GRIN2B: variants seen among roughly 807,000 people sequenced by gnomAD.
GRIN2B encodes glutamate ionotropic receptor NMDA type subunit 2B, also known as glutamate receptor ionotropic, NMDA 2B.
In GRIN2B, 5 loss-of-function variants were observed where a neutral mutation model predicts 114.5. The observed-to-expected ratio is 0.04, with a 90% CI of 0.02 to 0.09. The LOEUF is 0.09. Ranked by LOEUF, GRIN2B falls within the 10% of genes least tolerant of loss-of-function variation. GRIN2B has a pLI of 1.00. For synonymous variants in GRIN2B, 787 were observed against 745.1 expected (o/e 1.06, Z -0.92); for missense variants, 1,108 against 1,943.5 (o/e 0.57, Z 8.08).
chr12:13,769,710 G>C (rs1044460403), intron 3 of GRIN2B, among the ~76,000 whole-genome samples: 1 of 152,212 alleles, frequency 6.6e-6, no homozygotes, highest in Admixed American at 6.5e-5. Context: ...GCCTTCACAG[G>C]CATAGCAAGG....
chr12:13,814,952 T>C lies in GRIN2B; in HGVS notation c.411+50846A>G, dbSNP rs183740954. 1.1e-3 allele frequency among the ~76,000 whole-genome samples: 164 copies of C among 152,190 alleles called. 1 individual carries two copies. Among genetic ancestry groups the C allele is most frequent in the African/African-American group, 3.8e-3 (157 of 41,508 alleles). Reference sequence around the variant, plus strand: ...ACTCTTCCCTTAAGTTTCATCTCTTTGATTTTTTAAACCTGTATTTAAACG... The same window carrying C: ...ACTCTTCCCTTAAGTTTCATCTCTTCGATTTTTTAAACCTGTATTTAAACG... On this transcript the variant is annotated intron_variant, in intron 3 of 13. Coordinates refer to ENST00000609686, the MANE Select transcript of GRIN2B (RefSeq NM_000834.5).
intron 2 of GRIN2B, among the ~76,000 whole-genome samples, chr12:13,904,127 G>A (rs757147772): frequency 6.6e-6 from 1 of 151,842 alleles, no homozygotes; most frequent in Non-Finnish European, 1.5e-5. Flanking sequence ...TGTAATTTCA[G>A]CATTTTTAGT....
intron 4 of GRIN2B, among the ~76,000 whole-genome samples, chr12:13,739,159 TC>T (rs1863233821): frequency 1.3e-5 from 2 of 152,048 alleles, no homozygotes; most frequent in East Asian, 3.9e-4. Context: ...GACAGGCAGA[TC>T]ACCTGAGGTC....
chr12:13,965,642 A>C (rs1041583127), intron 2 of GRIN2B, among the ~76,000 whole-genome samples: 1 of 152,056 alleles, frequency 6.6e-6, no homozygotes, highest in Non-Finnish European at 1.5e-5. Context: ...TTAAAGATAT[A>C]CTTCTTGTTC....
chr12:13,868,760 G>T (rs565781201), intron 2 of GRIN2B, among the ~76,000 whole-genome samples: 1 of 152,270 alleles, frequency 6.6e-6, no homozygotes, highest in South Asian at 2.1e-4. Context: ...GTGGCTAGTT[G>T]TGACACCCAA....
chr12:13,606,595 T>C (rs774266449), intron 10 of GRIN2B, among the ~76,000 whole-genome samples: 7 of 152,106 alleles, frequency 4.6e-5, no homozygotes, highest in Non-Finnish European at 8.8e-5. Flanking sequence ...ATCCAAACAA[T>C]AGGAGGTGGG....
intron 2 of GRIN2B, among the ~76,000 whole-genome samples, chr12:13,890,563 C>T (rs982282162): frequency 1.4e-4 from 21 of 152,066 alleles, no homozygotes; most frequent in Admixed American, 6.6e-5. Context: ...AACCAGGGGA[C>T]TTGGTATAGA....
intron 5 of GRIN2B, among the ~76,000 whole-genome samples, chr12:13,643,057 G>C (rs1208245577): frequency 2.6e-5 from 4 of 152,088 alleles, no homozygotes; most frequent in African/African-American, 9.7e-5. Flanking sequence ...AATGATGAAT[G>C]ACCATCAACT....
intron 10 of GRIN2B, among the ~76,000 whole-genome samples, chr12:13,588,864 G>A (rs1217081782): frequency 1.3e-5 from 2 of 152,154 alleles, no homozygotes; most frequent in Non-Finnish European, 2.9e-5. Flanking sequence ...AAAGTGAGGG[G>A]AGCAAGTCTT....
intron 4 of GRIN2B, among the ~76,000 whole-genome samples, chr12:13,713,582 T>C (rs1401782048): frequency 6.6e-6 from 1 of 151,960 alleles, no homozygotes; most frequent in Non-Finnish European, 1.5e-5. Context: ...AAGACGTTCT[T>C]AATAGAACAA....
intron 3 of GRIN2B, among the ~76,000 whole-genome samples, chr12:13,776,039 A>G (rs991624179): frequency 6.6e-6 from 1 of 152,206 alleles, no homozygotes; most frequent in South Asian, 2.1e-4. Context: ...ATGCTCATCA[A>G]TGATAGACTG....
chr12:13,949,205 G>A (rs1165429504), intron 2 of GRIN2B, among the ~76,000 whole-genome samples: 1 of 152,146 alleles, frequency 6.6e-6, no homozygotes, highest in Non-Finnish European at 1.5e-5. Flanking sequence ...AGGGGAGAAG[G>A]GAGATGCTGG....
intron 2 of GRIN2B, among the ~76,000 whole-genome samples, chr12:13,943,151 T>C (rs147699917): frequency 6.6e-6 from 1 of 152,276 alleles, no homozygotes; most frequent in East Asian, 1.9e-4. Context: ...TGTGCCTGCC[T>C]GTGCAACAGC....
chr12:13,720,352 T>C (rs182250661), intron 4 of GRIN2B, among the ~76,000 whole-genome samples: 83 of 152,136 alleles, frequency 5.5e-4, no homozygotes, highest in Non-Finnish European at 9.9e-4. Flanking sequence ...GGACTTACTA[T>C]GATGGAAAGG....
At chr12:13,602,803 C>T (rs1204188543) in intron 10 of GRIN2B, among the ~76,000 whole-genome samples, 1 of 152,144 alleles carries the variant, frequency 6.6e-6, no homozygotes, top group African/African-American at 2.4e-5. Flanking sequence ...AGATAGCTAC[C>T]CTCATTAAGC....
intron 5 of GRIN2B, among the ~76,000 whole-genome samples, chr12:13,650,187 C>T (rs768856625): frequency 3.9e-5 from 6 of 151,996 alleles, no homozygotes; most frequent in Non-Finnish European, 8.8e-5. Flanking sequence ...ATTATGCCAA[C>T]CTTGGTCTTT....
intron 2 of GRIN2B, among the ~76,000 whole-genome samples, chr12:13,872,546 A>T (rs1865929265): frequency 6.6e-6 from 1 of 152,214 alleles, no homozygotes. Flanking sequence ...TTATATCTGA[A>T]ATGCAAGAAT....
intron 2 of GRIN2B, among the ~76,000 whole-genome samples, chr12:13,877,969 C>T (rs1274959511): frequency 1.4e-5 from 2 of 146,604 alleles, no homozygotes; most frequent in African/African-American, 5.1e-5. Flanking sequence ...GAGGCTGAGG[C>T]AGGAGAATTG....
intron 3 of GRIN2B, among the ~76,000 whole-genome samples, chr12:13,777,012 G>A (rs371561122): frequency 7.4e-4 from 113 of 152,030 alleles, no homozygotes; most frequent in African/African-American, 2.7e-3. Flanking sequence ...GACACTAATG[G>A]GTGTCCCTAA....
Sources: gnomAD v4.1 joint callset for allele counts (sites outside exome capture counted in the v4.1 genomes callset) on GRCh38, gnomAD v4.1.1 for gene constraint, MANE v1.5 for transcripts, NCBI Gene and HGNC (gene_info 2026-07-23, HGNC 2026-07-21) for gene names.